Variants in KIF26B observed in about 807,000 individuals in gnomAD.
KIF26B encodes the protein kinesin-like protein KIF26B.
A neutral mutation model predicts 151.2 loss-of-function variants in KIF26B; 63 were observed. That is an observed-to-expected ratio of 0.42 (90% confidence interval 0.34 to 0.51). The LOEUF is 0.51. Ranked by LOEUF, KIF26B falls within the 20% of genes least tolerant of loss-of-function variation. The pLI is 0.07. For missense variants in KIF26B, 2,813 were observed against 2,913.6 expected, an observed-to-expected ratio of 0.97 and a Z score of 0.79; for synonymous variants, 1,357 against 1,262.1, an observed-to-expected ratio of 1.08 and a Z score of -1.59.
chr1:245,232,855 C>T (rs1427326180), intron 2 of KIF26B, among the ~76,000 whole-genome samples: 1 of 152,180 alleles, frequency 6.6e-6, no homozygotes, highest in African/African-American at 2.4e-5. Context: ...CGGCGGTTTC[C>T]TTCCTTTCCT....
intron 2 of KIF26B, among the ~76,000 whole-genome samples, chr1:245,184,695 A>G (rs903372755): frequency 2.6e-5 from 4 of 152,214 alleles, no homozygotes; most frequent in Non-Finnish European, 5.9e-5. Context: ...CCTTCAAGAG[A>G]GCAGTTTCTC....
At chr1:245,272,134 T>C (rs573939550) in intron 2 of KIF26B, among the ~76,000 whole-genome samples, 3 of 152,340 alleles carry the variant, frequency 2.0e-5, no homozygotes, top group South Asian at 2.1e-4. Context: ...AATTTGTTGG[T>C]ATATAATTGT....
intron 12 of KIF26B, among the ~76,000 whole-genome samples, chr1:245,696,393 T>C (rs1283365646): frequency 6.6e-6 from 1 of 152,224 alleles, no homozygotes; most frequent in African/African-American, 2.4e-5. Context: ...AGCCTTCAGA[T>C]GAGTGCAGCC....
chr1:245,522,576 C>T (rs1661152115), intron 4 of KIF26B, among the ~76,000 whole-genome samples: 1 of 152,152 alleles, frequency 6.6e-6, no homozygotes, highest in South Asian at 2.1e-4. Context: ...TGGTGGTTTT[C>T]AGGGCAAAGC....
At chr1:245,583,691 G>A (rs949833236) in intron 5 of KIF26B, among the ~76,000 whole-genome samples, 1 of 152,180 alleles carries the variant, frequency 6.6e-6, no homozygotes, top group Non-Finnish European at 1.5e-5. Context: ...CGTGGTACAC[G>A]AATGGGCTTC....
intron 2 of KIF26B, among the ~76,000 whole-genome samples, chr1:245,194,711 G>A (rs549107436): frequency 5.3e-5 from 8 of 152,298 alleles, no homozygotes; most frequent in African/African-American, 1.9e-4. Flanking sequence ...ATTTTAGCCT[G>A]TTAGTGTTAA....
At chr1:245,464,448 GGTGT>G (rs1184825725) in intron 4 of KIF26B, among the ~76,000 whole-genome samples, 3 of 144,878 alleles carry the variant, frequency 2.1e-5, no homozygotes, top group South Asian at 2.2e-4. Context: ...TGGGTGTGTG[GGTGT>G]GTATGTGTGC....
chr1:245,217,000 C>T (rs1463836720), intron 2 of KIF26B, among the ~76,000 whole-genome samples: 1 of 152,168 alleles, frequency 6.6e-6, no homozygotes, highest in Non-Finnish European at 1.5e-5. Flanking sequence ...TCTGAGAGAG[C>T]TCCCTTTGTT....
chr1:245,665,199 T>G (rs2044199631), intron 10 of KIF26B, among the ~76,000 whole-genome samples: 1 of 152,238 alleles, frequency 6.6e-6, no homozygotes, highest in South Asian at 2.1e-4. Flanking sequence ...AATTTTGTTT[T>G]TAATCATTGC....
chr1:245,240,746 G>A (rs938312178), intron 2 of KIF26B, among the ~76,000 whole-genome samples: 3 of 152,194 alleles, frequency 2.0e-5, no homozygotes, highest in Admixed American at 2.0e-4. Context: ...TAGGGAAGCT[G>A]GGAGAGGCAG....
chr1:245,268,037 T>G (rs1321284941), intron 2 of KIF26B, among the ~76,000 whole-genome samples: 1 of 152,116 alleles, frequency 6.6e-6, no homozygotes, highest in Non-Finnish European at 1.5e-5. Flanking sequence ...CCAGGCACAG[T>G]GCCTCATGCC....
At chr1:245,310,442 A>G (rs775217025) in intron 2 of KIF26B, among the ~76,000 whole-genome samples, 38 of 152,194 alleles carry the variant, frequency 2.5e-4, no homozygotes, top group Non-Finnish European at 4.1e-4. Context: ...CACTTCACAT[A>G]TATTCTCTCA....
chr1:245,232,009 C>T (rs762422315), intron 2 of KIF26B, among the ~76,000 whole-genome samples: 2 of 152,172 alleles, frequency 1.3e-5, no homozygotes, highest in Non-Finnish European at 2.9e-5. Flanking sequence ...AGAGAGAAGA[C>T]TAAGGAAATT....
intron 5 of KIF26B, among the ~76,000 whole-genome samples, chr1:245,586,020 G>T (rs932554524): frequency 6.9e-6 from 1 of 145,140 alleles, no homozygotes; most frequent in Non-Finnish European, 1.5e-5. Flanking sequence ...TTAGAGACAG[G>T]GTCTGCCTCT....
At chr1:245,395,638 T>G (rs991963999) in intron 3 of KIF26B, among the ~76,000 whole-genome samples, 1 of 152,166 alleles carries the variant, frequency 6.6e-6, no homozygotes, top group African/African-American at 2.4e-5. Context: ...ATCAGAACCT[T>G]TTTTCCTGGC....
At chr1:245,642,436 C>T (rs1364493154) in intron 9 of KIF26B, among the ~76,000 whole-genome samples, 1 of 151,994 alleles carries the variant, frequency 6.6e-6, no homozygotes, top group Non-Finnish European at 1.5e-5. Context: ...GGCCGGGTGC[C>T]TGTAGTCCTA....
At chr1:245,183,923 T>G (rs2103528851) in intron 2 of KIF26B, among the ~76,000 whole-genome samples, 1 of 152,200 alleles carries the variant, frequency 6.6e-6, no homozygotes, top group East Asian at 1.9e-4. Context: ...AGTTTTTTGT[T>G]GGGGTACTGT....
At chr1:245,266,068 A>G (rs1670739920) in intron 2 of KIF26B, among the ~76,000 whole-genome samples, 1 of 152,258 alleles carries the variant, frequency 6.6e-6, no homozygotes, top group Non-Finnish European at 1.5e-5. Context: ...ATATAACTGA[A>G]AAAGGATTTG....
chr1:245,466,070 A>T (rs767042823), intron 4 of KIF26B, among the ~76,000 whole-genome samples: 1 of 152,270 alleles, frequency 6.6e-6, no homozygotes, highest in Non-Finnish European at 1.5e-5. Flanking sequence ...CCTGCTGCTC[A>T]GAAAAATGCC....
Sources: gnomAD v4.1 joint callset for allele counts (sites outside exome capture counted in the v4.1 genomes callset) on GRCh38, gnomAD v4.1.1 for gene constraint, MANE v1.5 for transcripts, NCBI Gene and HGNC (gene_info 2026-07-23, HGNC 2026-07-21) for gene names.